Variants in KIFBP observed in about 807,000 individuals in gnomAD.
The protein encoded by KIFBP is KIF-binding protein.
KIFBP carries 46 observed loss-of-function variants against 58.9 expected under a neutral mutation model. That is an observed-to-expected ratio of 0.78 (90% CI 0.62 to 1.00). The LOEUF is 1.00. Ranked by LOEUF, KIFBP falls within the 50% of genes least tolerant of loss-of-function variation. The probability of loss-of-function intolerance (pLI) is 0.00; values close to 1 mark genes in which losing one functional copy is unlikely to be tolerated. For synonymous variants in KIFBP, 241 were observed against 283.4 expected (o/e 0.85, Z 1.50); for missense variants, 651 against 752.9 (o/e 0.86, Z 1.58).
At position 69,005,926 on chromosome 10, in the gene KIFBP, T is replaced by C. The variant is rs1374863624; in HGVS notation, c.789+11T>C. ...TTTTACATCAATAAGGTAAGCTTCT[T>C]GAAGTAGTTATCTAACAGAGTACCA... is the stretch of plus-strand genomic sequence containing the variant. On this transcript the variant is annotated intron_variant, in intron 4 of 6. Coordinates refer to ENST00000361983, the MANE Select transcript of KIFBP (RefSeq NM_015634.4). 6.2e-7 allele frequency: 1 copy of C among 1,611,112 alleles called. No individual in the cohort carries two copies. Among genetic ancestry groups the C allele is most frequent in the East Asian group, 2.2e-5 (1 of 44,858 alleles).
intron 1 of KIFBP, 186 bp downstream of exon 1, chr10:68,989,444 GTAAC>G (rs1456389660): frequency 7.7e-6 from 5 of 651,606 alleles, no homozygotes; most frequent in Non-Finnish European, 1.3e-5. Flanking sequence ...TTATTGCCTT[GTAAC>G]TAGATCTCCC....
intron 1 of KIFBP, chr10:68,991,531 G>A: frequency 2.3e-6 from 1 of 437,572 alleles, no homozygotes; most frequent in Non-Finnish European, 4.8e-6. Flanking sequence ...TGGTCCAGAA[G>A]CACTTGACAA....
At chr10:69,013,453 G>A (rs1407868895) in intron 6 of KIFBP, among the ~76,000 whole-genome samples, 2 of 152,034 alleles carry the variant, frequency 1.3e-5, no homozygotes, top group African/African-American at 4.8e-5. Flanking sequence ...ATTCTGGTCA[G>A]GTAAAGAAAG....
intron 2 of KIFBP, among the ~76,000 whole-genome samples, chr10:69,001,532 A>C (rs1311767571): frequency 1.3e-5 from 2 of 152,162 alleles, no homozygotes; most frequent in Non-Finnish European, 2.9e-5. Flanking sequence ...AGGCAGGTGG[A>C]TCACTTGAGA....
chr10:68,989,090 C>T lies in KIFBP; in HGVS notation c.258C>T (p.Pro86=), dbSNP rs771149799. 9.3e-6 allele frequency: 15 copies of T among 1,610,612 alleles called. No homozygotes were observed. The highest frequency in any genetic ancestry group is 3.4e-5 in the Admixed American group (2 of 59,690). Residue 86 remains proline (P), a synonymous_variant, in exon 1 of 7, where the codon CCC becomes CCT. Coordinates refer to ENST00000361983, the MANE Select transcript of KIFBP (RefSeq NM_015634.4). ...LPAEVVEPEG[P]VAQRAVRLAV... ...CTGAGGTGGTGGAGCCCGAGGGGCC[C>T]GTCGCCCAGCGAGCGGTGAGGCTGG...
At chr10:69,005,941 A>G in intron 4 of KIFBP, 26 bp downstream of exon 4, 1 of 1,592,104 alleles carries the variant, frequency 6.3e-7, no homozygotes, top group Non-Finnish European at 8.6e-7. Flanking sequence ...TAGTTATCTA[A>G]CAGAGTACCA....
In KIFBP at chr10:69,006,268, C is replaced by T. The variant is rs76850258; in HGVS notation, c.789+353C>T. Among the ~76,000 whole-genome samples, 1,032 of 152,244 alleles carry T rather than the reference C, an allele frequency of 6.8e-3. 14 individuals carry two copies. Among genetic ancestry groups the T allele is most frequent in the African/African-American group, 0.024 (987 of 41,508 alleles). The stretch of plus-strand genomic sequence containing the variant: ...CTTTATCTTTACGTAATGGTAATCT[C>T]ATAACTCTGAGAATTTGACTGAGGA... On this transcript the variant is annotated intron_variant, in intron 4 of 6. Coordinates refer to ENST00000361983, the MANE Select transcript of KIFBP (RefSeq NM_015634.4).
In KIFBP at chr10:69,000,407, TTTTC is replaced by T. The variant is rs1293277796; in HGVS notation, c.427-13_427-10del. ...GTCTTATATCATTGTTTGTTTCTCT[TTTTC>T]TTTATTTTCCAGAATAACCTGGGTA... is the stretch of plus-strand genomic sequence containing the variant. On this transcript the variant is annotated splice_polypyrimidine_tract_variant and intron_variant, in intron 1 of 6. Coordinates refer to ENST00000361983, the MANE Select transcript of KIFBP (RefSeq NM_015634.4). 1.3e-6 allele frequency: 2 copies of T among 1,532,204 alleles called. No homozygotes were observed. Among genetic ancestry groups the T allele is most frequent in the Admixed American group, 1.7e-5 (1 of 59,926 alleles). The allele number at this position is 1,532,204 out of a possible 1,614,324, so 94.9% of individuals were successfully genotyped here.
Position 69,006,043 on chromosome 10 carries a change from G to A in KIFBP, c.789+128G>A, listed in dbSNP as rs1304048347. ...TATTTTATGATGTACAACTGAAGCC[G>A]AAAATGCAGCCCAGTTTGCCCGTGT... On this transcript the variant is annotated intron_variant, in intron 4 of 6. Coordinates refer to ENST00000361983, the MANE Select transcript of KIFBP (RefSeq NM_015634.4). 1.6e-5 allele frequency: 14 copies of A among 851,050 alleles called. No homozygotes were observed. The East Asian group carries it at 2.2e-4, about 13-fold the overall frequency. The allele number at this position is 851,050 out of a possible 1,614,324, so 52.7% of individuals were successfully genotyped here.
At chr10:68,992,256 A>G (rs1321405398) in intron 1 of KIFBP, among the ~76,000 whole-genome samples, 1 of 152,078 alleles carries the variant, frequency 6.6e-6, no homozygotes, top group African/African-American at 2.4e-5. Flanking sequence ...AGCCTCCCAA[A>G]GTGTTGGGAT....
chr10:69,004,588 T>C (rs1049695446), intron 2 of KIFBP, among the ~76,000 whole-genome samples: 1 of 151,408 alleles, frequency 6.6e-6, no homozygotes, highest in African/African-American at 2.4e-5. Flanking sequence ...TTGAGGCGGG[T>C]GCAGTGGCTC....
At chr10:69,004,048 CG>C (rs1412627677) in intron 2 of KIFBP, among the ~76,000 whole-genome samples, 1 of 151,714 alleles carries the variant, frequency 6.6e-6, no homozygotes, top group African/African-American at 2.4e-5. Flanking sequence ...GGAGAAACCC[CG>C]TCTCTACTAA....
chr10:69,003,134 C>A (rs1351045848), intron 2 of KIFBP, among the ~76,000 whole-genome samples: 1 of 151,176 alleles, frequency 6.6e-6, no homozygotes, highest in Non-Finnish European at 1.5e-5. Flanking sequence ...TAGTGAAATT[C>A]CTTGTGTTTA....
intron 4 of KIFBP, 113 bp downstream of exon 4, chr10:69,006,028 T>C (rs1370684242): frequency 3.8e-6 from 4 of 1,040,620 alleles, no homozygotes; most frequent in Admixed American, 2.7e-5. Flanking sequence ...TATTTTATGA[T>C]GTACAACTGA....
intron 2 of KIFBP, among the ~76,000 whole-genome samples, chr10:69,004,219 C>CAAAAAAAAAAAAA: frequency 1.3e-5 from 1 of 79,504 alleles, no homozygotes; most frequent in Non-Finnish European, 2.4e-5. Context: ...ACTCCATCTC[C>CAAAAAAAAAAAAA]AAAAAAAAAA....
chr10:69,016,631 T>C lies in KIFBP; in HGVS notation c.*215T>C. On this transcript the variant is annotated 3_prime_UTR_variant, in exon 7 of 7. Transcript: ENST00000361983. ...TGTAAATTGCCTTGTTAAAGACATG[T>C]GATTTGTATTTTAGATGCTTGTTTC... is the stretch of plus-strand genomic sequence containing the variant. 1 of 539,110 alleles carries C rather than the reference T, an allele frequency of 1.9e-6. No individual in the cohort carries two copies. The highest frequency in any genetic ancestry group is 3.3e-6 in the Non-Finnish European group (1 of 305,216). The allele number at this position is 539,110 out of a possible 1,614,324, so 33.4% of individuals were successfully genotyped here.
At position 69,015,541 on chromosome 10, in the gene KIFBP, G is replaced by A. The variant is rs749327406; in HGVS notation, c.991G>A (p.Asp331Asn). 17 of 1,612,392 alleles carry A rather than the reference G, an allele frequency of 1.1e-5. No homozygotes were observed. The Middle Eastern group carries it at 1.8e-3, about 172-fold the overall frequency. The part of the protein sequence containing the change: ...LMQNAQLSMQ[D>N]NIGELDLDKQ... ...CATAATTTATTTTTTTTTCCTTCAG[G>A]ACAACATAGGAGAGCTTGATCTTGA... Residue 331 changes from aspartate to asparagine, a missense_variant and splice_region_variant, in exon 7 of 7, where the codon GAC becomes AAC. Asp to Asn is a conservative substitution (Grantham distance 23). Coordinates refer to ENST00000361983, the MANE Select transcript of KIFBP (RefSeq NM_015634.4).
chr10:69,002,461 T>C (rs1211952267), intron 2 of KIFBP, among the ~76,000 whole-genome samples: 1 of 152,092 alleles, frequency 6.6e-6, no homozygotes, highest in East Asian at 2.0e-4. Context: ...CCCAGCCTCG[T>C]ACCTTGGCAT....
intron 2 of KIFBP, among the ~76,000 whole-genome samples, chr10:69,004,831 C>A (rs1843513700): frequency 6.6e-6 from 1 of 152,084 alleles, no homozygotes; most frequent in South Asian, 2.1e-4. Context: ...GAGATTGTGC[C>A]ACTCCACTCC....
Sources: allele counts gnomAD v4.1 joint callset (sites outside exome capture counted in the v4.1 genomes callset), GRCh38; gene constraint gnomAD v4.1.1; transcripts MANE v1.5; gene names NCBI Gene and HGNC (gene_info 2026-07-23, HGNC 2026-07-21).